Variants in SKA3 observed in about 807,000 individuals in gnomAD.
SKA3 encodes the protein spindle and kinetochore-associated protein 3.
Under a neutral mutation model 44.2 loss-of-function variants are expected in SKA3, and 39 were observed. The ratio of observed to expected loss-of-function variants is 0.88; its 90% CI spans 0.68 to 1.15. The LOEUF (loss-of-function observed/expected upper bound fraction) is 1.15, where lower values mean the gene tolerates loss of function less well. Among genes scored for constraint, SKA3 ranks in the 50% most tolerant of loss-of-function variants. The probability of loss-of-function intolerance (pLI) is 0.00; values close to 1 mark genes in which losing one functional copy is unlikely to be tolerated. For missense variants in SKA3, 511 were observed against 485.8 expected (o/e 1.05, Z -0.49); for synonymous variants, 192 against 172.0 (o/e 1.12, Z -0.91).
chr13:21,160,086 C>T, intron 5 of SKA3, 99 bp from the exon 6 acceptor site: 1 of 796,322 alleles, frequency 1.3e-6, no homozygotes, highest in South Asian at 2.1e-5. Context: ...TTATCATTAG[C>T]ACTACTAAAA....
intron 4 of SKA3, among the ~76,000 whole-genome samples, chr13:21,165,545 T>C (rs1315783830): frequency 6.6e-6 from 1 of 152,178 alleles, no homozygotes. Context: ...ACGTTTTTCA[T>C]GTGATTTTCT....
intron 1 of SKA3, 105 bp from the exon 2 acceptor site, chr13:21,172,786 C>G (rs60137149): frequency 0.21 from 134,239 of 643,538 alleles, 15,013 homozygotes; most frequent in South Asian, 0.3. Context: ...ATTGGTCAAT[C>G]ACAGATCACA....
At chr13:21,164,702 T>C (rs1870614044) in intron 4 of SKA3, among the ~76,000 whole-genome samples, 1 of 152,174 alleles carries the variant, frequency 6.6e-6, no homozygotes, top group Non-Finnish European at 1.5e-5. Context: ...ATTTTCTTGG[T>C]TTATTTTTTG....
At chr13:21,164,754 T>C (rs139731714) in intron 4 of SKA3, among the ~76,000 whole-genome samples, 130 of 152,216 alleles carry the variant, frequency 8.5e-4, no homozygotes, top group African/African-American at 2.8e-3. Context: ...ATTTTATTTT[T>C]ATTTTTTTAG....
In SKA3 at chr13:21,155,129, T is replaced by C. The variant is rs765500924; in HGVS notation, c.*21A>G. 1.6e-5 allele frequency: 25 copies of C among 1,612,722 alleles called. No individual in the cohort carries two copies. The South Asian group carries it at 1.9e-4, about 12-fold the overall frequency. On this transcript the variant is annotated 3_prime_UTR_variant, in exon 9 of 9. Transcript: ENST00000314759. ...CATCTCATTTTGTTCAGTTTCTGTG[T>C]TGGATAGATCCACTGGAATTTCTGC...
At chr13:21,159,051 A>T (rs1309223316) in intron 6 of SKA3, among the ~76,000 whole-genome samples, 3 of 152,248 alleles carry the variant, frequency 2.0e-5, no homozygotes, top group Non-Finnish European at 1.5e-5. Context: ...AGCCACAGCC[A>T]CATGGGGCTC....
Position 21,172,664 on chromosome 13 carries a change from T to C in SKA3, c.121A>G (p.Met41Val), listed in dbSNP as rs773388235. The C allele has an allele frequency of 5.7e-6, 9 of 1,577,992 alleles. No homozygotes were observed. The Admixed American group carries it at 1.4e-4, about 25-fold the overall frequency. The change falls in exon 2 of 9, where the codon ATG (methionine) becomes GTG (valine). Residue 41 changes from methionine (M) to valine (V), a missense_variant. Transcript: ENST00000314759. ...GEESDFEDYP[M>V]RILYDLHSEV... Reference sequence around the variant, plus strand: ...GAATGAAGGTCATATAAAATTCTCATTGGATAATCTTCAAAGTCTTCAATA... The same window carrying C: ...GAATGAAGGTCATATAAAATTCTCACTGGATAATCTTCAAAGTCTTCAATA...
Position 21,176,489 on chromosome 13 carries a change from C to CCA in SKA3, c.-13_-12insTG. On this transcript the variant is annotated 5_prime_UTR_variant, in exon 1 of 9. Transcript: ENST00000314759. Reference sequence around the variant, plus strand: ...CGGATAGGGTCCATGCTGAGCACAGCGGGGAAGGACTCCAGGCGTACGCAG... The same window carrying CCA: ...CGGATAGGGTCCATGCTGAGCACAGCCAGGGGAAGGACTCCAGGCGTACGCAG... 6.6e-7 allele frequency: 1 copy of CCA among 1,508,548 alleles called. No homozygotes were observed. The highest frequency in any genetic ancestry group is 8.9e-7 in the Non-Finnish European group (1 of 1,123,954). The allele number at this position is 1,508,548 out of a possible 1,614,324, so 93.4% of individuals were successfully genotyped here.
chr13:21,158,286 C>T (rs955643608), intron 6 of SKA3, among the ~76,000 whole-genome samples, 161 bp from the exon 7 acceptor site: 3 of 152,156 alleles, frequency 2.0e-5, no homozygotes, highest in Admixed American at 1.3e-4. Flanking sequence ...AAATGGCATA[C>T]AGAGGACAAA....
intron 7 of SKA3, among the ~76,000 whole-genome samples, chr13:21,156,065 T>C (rs556801233): frequency 6.6e-6 from 1 of 151,670 alleles, no homozygotes; most frequent in East Asian, 2.0e-4. Flanking sequence ...CACACACCTG[T>C]AATCCCAGCT....
At position 21,172,459 on chromosome 13, in the gene SKA3, CTTGA is replaced by C; in HGVS notation, c.207_210del (p.Asn69LysfsTer7). 1 of 1,589,836 alleles carries C rather than the reference CTTGA, an allele frequency of 6.3e-7. No homozygotes were observed. Among genetic ancestry groups the C allele is most frequent in the Non-Finnish European group, 8.5e-7 (1 of 1,170,870 alleles). ...GTTGCCTTTATGAAATCAATGCCTT[CTTGA>C]TTTTCCAATCTTGCTTTATCAAGAA... On this transcript the variant is annotated frameshift_variant, in exon 3 of 9. Coordinates refer to ENST00000314759, the MANE Select transcript of SKA3 (RefSeq NM_145061.6). LOFTEE classifies it high-confidence loss of function.
chr13:21,173,504 G>T (rs376156136), intron 1 of SKA3, among the ~76,000 whole-genome samples: 1 of 152,172 alleles, frequency 6.6e-6, no homozygotes, highest in Non-Finnish European at 1.5e-5. Flanking sequence ...TGATCCACCC[G>T]CCTCGGCCTC....
chr13:21,154,960 C>A lies in SKA3; in HGVS notation c.*190G>T. ...AGTGAATGACTGGGCTACATGTCAA[C>A]AAGACTAAGGTTAAACCTTATTGAA... On this transcript the variant is annotated 3_prime_UTR_variant, in exon 9 of 9. Coordinates refer to ENST00000314759, the MANE Select transcript of SKA3 (RefSeq NM_145061.6). 1.1e-6 allele frequency: 1 copy of A among 920,954 alleles called. No homozygotes were observed. The highest frequency in any genetic ancestry group is 1.7e-5 in the South Asian group (1 of 60,326). The allele number at this position is 920,954 out of a possible 1,614,324, so 57.0% of individuals were successfully genotyped here. A position where few individuals can be genotyped will look rare whatever the true frequency, so the allele number is the denominator to read the frequency against.
intron 7 of SKA3, 103 bp from the exon 8 acceptor site, chr13:21,155,914 A>G: frequency 1.7e-6 from 1 of 586,694 alleles, no homozygotes; most frequent in Non-Finnish European, 2.8e-6. Context: ...TGGGGCGGGC[A>G]TGGTGGCTCA....
At chr13:21,159,708 T>A (rs1318125578) in intron 6 of SKA3, among the ~76,000 whole-genome samples, 194 bp downstream of exon 6, 1 of 152,166 alleles carries the variant, frequency 6.6e-6, no homozygotes, top group Non-Finnish European at 1.5e-5. Context: ...AGAGATATGG[T>A]TTAAAGGTAT....
rs774507483 is a variant in SKA3, at chr13:21,176,497, G to T, written c.-20C>A. ...GTCCATGCTGAGCACAGCGGGGAAG[G>T]ACTCCAGGCGTACGCAGACCCCACC... On this transcript the variant is annotated 5_prime_UTR_variant, in exon 1 of 9. Transcript: ENST00000314759. 6.7e-7 allele frequency: 1 copy of T among 1,485,412 alleles called. No homozygotes were observed. The highest frequency in any genetic ancestry group is 9.0e-7 in the Non-Finnish European group (1 of 1,111,022). The allele number at this position is 1,485,412 out of a possible 1,614,324, so 92.0% of individuals were successfully genotyped here. A position where few individuals can be genotyped will look rare whatever the true frequency, so the allele number is the denominator to read the frequency against.
intron 4 of SKA3, 115 bp from the exon 5 acceptor site, chr13:21,161,990 G>T: frequency 5.9e-6 from 3 of 511,666 alleles, no homozygotes; most frequent in Non-Finnish European, 3.2e-6. Flanking sequence ...TATGCTTTAT[G>T]GTACAGAAGT....
chr13:21,168,462 A>T, intron 3 of SKA3, 63 bp from the exon 4 acceptor site: 1 of 1,371,542 alleles, frequency 7.3e-7, no homozygotes, highest in Non-Finnish European at 1.0e-6. Context: ...GTTTACAAAA[A>T]CAACAGAAAA....
At chr13:21,155,460 G>C (rs9506625) in intron 8 of SKA3, among the ~76,000 whole-genome samples, 15,220 of 149,486 alleles carry the variant, frequency 0.1, 938 homozygotes, top group Middle Eastern at 0.21. Flanking sequence ...AGGCTGGAGT[G>C]CAGTGGCATG....
Sources: gnomAD v4.1 joint callset for allele counts (sites outside exome capture counted in the v4.1 genomes callset) on GRCh38, gnomAD v4.1.1 for gene constraint, MANE v1.5 for transcripts, NCBI Gene and HGNC (gene_info 2026-07-23, HGNC 2026-07-21) for gene names.